Variants in AKAIN1 observed in about 807,000 individuals in gnomAD.
AKAIN1 encodes the protein A-kinase anchor inhibitor 1.
In AKAIN1, 3 loss-of-function variants were observed where a neutral mutation model predicts 3.7. The ratio of observed to expected loss-of-function variants is 0.82; its 90% CI spans 0.37 to 2.12. The LOEUF (loss-of-function observed/expected upper bound fraction) is 2.12, where lower values mean the gene tolerates loss of function less well. Among genes scored for constraint, AKAIN1 ranks in the 30% most tolerant of loss-of-function variants. AKAIN1 has a pLI of 0.06. For missense variants in AKAIN1, 82 were observed against 82.7 expected (o/e 0.99, Z 0.03); for synonymous variants, 31 against 30.8 (o/e 1.01, Z -0.02).
At chr18:5,150,563 G>T (rs991554752) in intron 1 of AKAIN1, among the ~76,000 whole-genome samples, 2 of 152,164 alleles carry the variant, frequency 1.3e-5, no homozygotes, top group Admixed American at 6.5e-5. Flanking sequence ...TGTCTTCAGT[G>T]TCTTTCCACC....
chr18:5,148,633 A>G (rs1039743311), intron 1 of AKAIN1, among the ~76,000 whole-genome samples: 5 of 152,280 alleles, frequency 3.3e-5, no homozygotes, highest in African/African-American at 1.2e-4. Flanking sequence ...ACATGGGCGA[A>G]TCATTTGAGC....
At chr18:5,188,389 T>G (rs537386459) in intron 1 of AKAIN1, among the ~76,000 whole-genome samples, 107 of 152,204 alleles carry the variant, frequency 7.0e-4, no homozygotes, top group African/African-American at 2.5e-3. Context: ...GCACCAAGGT[T>G]GATTATTGTT....
At chr18:5,195,817 G>C (rs996270001) in intron 1 of AKAIN1, among the ~76,000 whole-genome samples, 6 of 152,086 alleles carry the variant, frequency 3.9e-5, no homozygotes, top group African/African-American at 1.4e-4. Flanking sequence ...TTCCTCCCTT[G>C]AGTTATTTAG....
chr18:5,169,133 TCAGA>T (rs1401400215), intron 1 of AKAIN1, among the ~76,000 whole-genome samples: 2 of 152,012 alleles, frequency 1.3e-5, no homozygotes, highest in African/African-American at 4.8e-5. Flanking sequence ...TGTTGGGAAA[TCAGA>T]CAGAGACTCT....
intron 1 of AKAIN1, among the ~76,000 whole-genome samples, chr18:5,177,584 C>G (rs2071233531): frequency 6.6e-6 from 1 of 151,826 alleles, no homozygotes; most frequent in South Asian, 2.1e-4. Flanking sequence ...ATCCCAGAAC[C>G]CTCTAAACAA....
At chr18:5,154,500 T>C (rs1376441246) in intron 1 of AKAIN1, among the ~76,000 whole-genome samples, 1 of 152,094 alleles carries the variant, frequency 6.6e-6, no homozygotes, top group East Asian at 1.9e-4. Flanking sequence ...GAGTTTCTTT[T>C]TTCTTGCAGT....
intron 1 of AKAIN1, among the ~76,000 whole-genome samples, chr18:5,148,213 T>G: frequency 6.6e-6 from 1 of 152,178 alleles, no homozygotes; most frequent in South Asian, 2.1e-4. Context: ...CAAGAGAAAT[T>G]CATTGCTCTC....
At chr18:5,150,995 T>C (rs1369686338) in intron 1 of AKAIN1, among the ~76,000 whole-genome samples, 1 of 152,146 alleles carries the variant, frequency 6.6e-6, no homozygotes, top group African/African-American at 2.4e-5. Context: ...GTGATTTTTT[T>C]CTAGATTGCA....
intron 1 of AKAIN1, among the ~76,000 whole-genome samples, chr18:5,168,552 ACCT>A (rs2071179576): frequency 6.6e-6 from 1 of 152,012 alleles, no homozygotes; most frequent in African/African-American, 2.4e-5. Context: ...ATATTTCCAT[ACCT>A]TATACTGTTT....
rs533624078 is a variant in AKAIN1 at position 5,162,533 on chromosome 18, C to T, written c.17-16778G>A. Among the ~76,000 whole-genome samples the T allele has an allele frequency of 1.8e-3, 276 of 152,026 alleles. 2 individuals carry two copies. The highest frequency in any genetic ancestry group is 6.3e-3 in the African/African-American group (261 of 41,484). Reference sequence around the variant, plus strand: ...CTTAACTCCCTAGCCTAGTTTAACTCATCTTTGAATCTCAATAGAAATGCC... The same window carrying T: ...CTTAACTCCCTAGCCTAGTTTAACTTATCTTTGAATCTCAATAGAAATGCC... On this transcript the variant is annotated intron_variant, in intron 1 of 1. Transcript: ENST00000434239.
chr18:5,169,781 C>T (rs2071187417), intron 1 of AKAIN1, among the ~76,000 whole-genome samples: 1 of 152,106 alleles, frequency 6.6e-6, no homozygotes, highest in African/African-American at 2.4e-5. Context: ...TAACATACTT[C>T]TGAGCAAAAA....
At chr18:5,180,079 A>C (rs2071248717) in intron 1 of AKAIN1, among the ~76,000 whole-genome samples, 2 of 152,164 alleles carry the variant, frequency 1.3e-5, no homozygotes, top group African/African-American at 4.8e-5. Flanking sequence ...GACCCAGAGC[A>C]AGACACTCAC....
intron 1 of AKAIN1, among the ~76,000 whole-genome samples, chr18:5,176,246 C>T (rs1222044793): frequency 6.6e-6 from 1 of 152,080 alleles, no homozygotes; most frequent in Non-Finnish European, 1.5e-5. Flanking sequence ...CAAGACCAAG[C>T]TGGCCAATAT....
At chr18:5,192,268 T>A (rs2071322572) in intron 1 of AKAIN1, among the ~76,000 whole-genome samples, 1 of 152,166 alleles carries the variant, frequency 6.6e-6, no homozygotes, top group Non-Finnish European at 1.5e-5. Flanking sequence ...AGGAAAAGGA[T>A]CTTGTTCTGT....
intron 1 of AKAIN1, among the ~76,000 whole-genome samples, chr18:5,177,360 G>A (rs1378337023): frequency 5.9e-5 from 9 of 152,038 alleles, no homozygotes; most frequent in Non-Finnish European, 1.0e-4. Context: ...TAGCAGGTAA[G>A]TAGAAAAACC....
upstream of AKAIN1, chr18:5,197,262 C>G (rs1387975949): frequency 1.5e-6 from 2 of 1,375,606 alleles, no homozygotes; most frequent in Non-Finnish European, 1.9e-6. The surrounding 1 kb of genome is among the most constrained non-coding windows in gnomAD (Gnocchi z 6.9). Flanking sequence ...CACAATGCGG[C>G]CACAGCGGCG....
chr18:5,164,114 A>C (rs2071154720), intron 1 of AKAIN1, among the ~76,000 whole-genome samples: 1 of 152,086 alleles, frequency 6.6e-6, no homozygotes, highest in Non-Finnish European at 1.5e-5. Context: ...TGTGCAAAAA[A>C]TCTAGAGCAA....
At chr18:5,158,009 G>A (rs144438507) in intron 1 of AKAIN1, among the ~76,000 whole-genome samples, 43 of 152,240 alleles carry the variant, frequency 2.8e-4, no homozygotes, top group Non-Finnish European at 5.0e-4. Context: ...ACAACTGACT[G>A]TGGTATCTTG....
intron 1 of AKAIN1, among the ~76,000 whole-genome samples, chr18:5,182,957 G>A (rs572851088): frequency 6.2e-4 from 94 of 152,092 alleles, no homozygotes; most frequent in Non-Finnish European, 1.2e-3. Flanking sequence ...TCTTTCTAAA[G>A]ACACCAGTTT....
Sources: allele counts gnomAD v4.1 joint callset (sites outside exome capture counted in the v4.1 genomes callset), GRCh38; gene constraint gnomAD v4.1.1; non-coding constraint Gnocchi (gnomAD v3.1); transcripts MANE v1.5; gene names NCBI Gene and HGNC (gene_info 2026-07-23, HGNC 2026-07-21).